Variants in IQCH observed in about 807,000 individuals in gnomAD.
IQCH encodes the protein IQ motif containing H.
In IQCH, 98 loss-of-function variants were observed where a neutral mutation model predicts 117.0. The ratio of observed to expected loss-of-function variants is 0.84; its 90% CI spans 0.71 to 0.99. The LOEUF (loss-of-function observed/expected upper bound fraction) is 0.99. Among genes scored for constraint, IQCH ranks in the 50% least tolerant of loss-of-function variants. The pLI, the probability that IQCH is intolerant of heterozygous loss-of-function variation, is 0.00. For missense variants in IQCH, 1,102 were observed against 1,243.8 expected (o/e 0.89, Z 1.72); for synonymous variants, 412 against 448.2 (o/e 0.92, Z 1.02).
rs1161731847 is a variant in IQCH at position 67,279,457 on chromosome 15, T to A, written c.332T>A (p.Phe111Tyr). The part of the protein sequence containing the change: ...FIFPQESEGT[F>Y]WQPQRQHSSS... Reference sequence around the variant, plus strand: ...TTCCCTCAGGAATCTGAGGGTACATTTTGGCAACCCCAAAGACAGCACAGT... The same window carrying A: ...TTCCCTCAGGAATCTGAGGGTACATATTGGCAACCCCAAAGACAGCACAGT... Residue 111 changes from phenylalanine to tyrosine, a missense_variant, in exon 4 of 21, where the codon TTT (phenylalanine) becomes TAT (tyrosine). By Grantham distance (22) the Phe-to-Tyr change is conservative. This residue lies in a region of IQCH where 452 missense variants were observed against 449.6 expected (regional missense o/e 1.01). Transcript: ENST00000335894. The A allele has an allele frequency of 1.9e-6, 3 of 1,611,738 alleles. No individual in the cohort carries two copies. The African/African-American group carries it at 4.0e-5, about 22-fold the overall frequency.
intron 17 of IQCH, among the ~76,000 whole-genome samples, chr15:67,470,380 A>G (rs139332667): frequency 6.6e-6 from 1 of 152,228 alleles, no homozygotes; most frequent in Non-Finnish European, 1.5e-5. Context: ...GGGTTTCACC[A>G]TGTTGACCAG....
rs770780847 is a variant in IQCH at position 67,254,936 on chromosome 15, A to C, written c.40A>C (p.Ile14Leu). Residue 14 changes from isoleucine to leucine, a missense_variant, in exon 1 of 21, where the codon ATC becomes CTC. Ile to Leu is a conservative substitution (Grantham distance 5). Transcript: ENST00000335894. ...TGAAAACCACGACCCTGTCGGATCC[A>C]TCTTAATCCAGGTGGGAAACGGGCT... Reference protein sequence around the residue: ...NTENHDPVGSILIQIHEDLYQ... With the variant: ...NTENHDPVGSLLIQIHEDLYQ... The C allele has an allele frequency of 1.5e-5, 25 of 1,613,540 alleles. No homozygotes were observed. The South Asian group carries it at 2.5e-4, about 16-fold the overall frequency.
rs576776467 is a variant in IQCH at position 67,357,478 on chromosome 15, G to A, written c.714+57G>A. On this transcript the variant is annotated intron_variant, in intron 7 of 20. Transcript: ENST00000335894. ...TATTCTTATTTACAGCACTTTCTGT[G>A]AGATATTTGGTGATTTACACGTTAT... 1.4e-5 allele frequency: 15 copies of A among 1,104,588 alleles called. No homozygotes were observed. The African/African-American group carries it at 1.7e-4, about 13-fold the overall frequency. 68.4% of individuals were successfully genotyped at this position (1,104,588 alleles called of 1,614,324 possible).
Position 67,279,452 on chromosome 15 carries a change from T to A in IQCH, c.327T>A (p.Gly109=). Residue 109 remains glycine, a synonymous_variant, in exon 4 of 21, where the codon GGT becomes GGA. Transcript: ENST00000335894. ...KSFIFPQESE[G]TFWQPQRQHS... is the part of the protein sequence containing the mutation. ...TTATTTTCCCTCAGGAATCTGAGGG[T>A]ACATTTTGGCAACCCCAAAGACAGC... is the stretch of plus-strand genomic sequence containing the variant. 1 of 1,611,652 alleles carries A rather than the reference T, an allele frequency of 6.2e-7. No homozygotes were observed. The highest frequency in any genetic ancestry group is 8.5e-7 in the Non-Finnish European group (1 of 1,178,520).
intron 2 of IQCH, among the ~76,000 whole-genome samples, chr15:67,262,163 G>T (rs557619552): frequency 6.6e-6 from 1 of 152,136 alleles, no homozygotes; most frequent in Non-Finnish European, 1.5e-5. Context: ...ATTCGTTTTT[G>T]TAACGTTATA....
At chr15:67,353,552 G>A (rs28380495) in intron 6 of IQCH, among the ~76,000 whole-genome samples, 88 of 152,006 alleles carry the variant, frequency 5.8e-4, no homozygotes, top group African/African-American at 1.9e-3. Flanking sequence ...TAGAGAGAGG[G>A]TTTCACCATG....
chr15:67,305,698 T>TCAA, intron 4 of IQCH, among the ~76,000 whole-genome samples: 1 of 152,086 alleles, frequency 6.6e-6, no homozygotes, highest in Admixed American at 6.6e-5. Context: ...CTGCTGTGTT[T>TCAA]CATGTGAACT....
At chr15:67,350,338 G>C (rs574384220) in intron 6 of IQCH, among the ~76,000 whole-genome samples, 6 of 152,314 alleles carry the variant, frequency 3.9e-5, no homozygotes, top group Non-Finnish European at 7.4e-5. Flanking sequence ...ACAGAAAACA[G>C]ATCAAGAGTT....
intron 3 of IQCH, among the ~76,000 whole-genome samples, chr15:67,263,478 A>G (rs963315362): frequency 1.3e-5 from 2 of 152,182 alleles, no homozygotes; most frequent in African/African-American, 4.8e-5. Context: ...GTACCCCTCA[A>G]GTTTATGCAG....
Position 67,489,759 on chromosome 15 carries a change from T to C in IQCH, c.2800-244T>C, listed in dbSNP as rs147407151. Among the ~76,000 whole-genome samples, 279 of 151,734 alleles carry C rather than the reference T, an allele frequency of 1.8e-3. 2 individuals are homozygous for C. Among genetic ancestry groups the C allele is most frequent in the East Asian group, 7.0e-3 (36 of 5,174 alleles). On this transcript the variant is annotated intron_variant, in intron 18 of 20. Transcript: ENST00000335894. ...GCATGATGCCCATGAAAATGCCTTT[T>C]TAACAAGCACACTAGATGATTCTGA...
chr15:67,371,642 G>T, intron 8 of IQCH: 1 of 693,098 alleles, frequency 1.4e-6, no homozygotes, highest in South Asian at 2.2e-5. Flanking sequence ...TATGAAGTCA[G>T]AAACAATTTT....
In IQCH at chr15:67,388,993, TAA is replaced by T; in HGVS notation, c.1621_1622del (p.Asn541HisfsTer4). 1 of 1,613,250 alleles carries T rather than the reference TAA, an allele frequency of 6.2e-7. No individual in the cohort carries two copies. The highest frequency in any genetic ancestry group is 8.5e-7 in the Non-Finnish European group (1 of 1,179,502). ...TTCAAAATTATCACACCTGAAGCTGTAAACATCTTCCCTGTGAGTTTGTGTTC... is the reference window on the plus strand; with the variant it reads ...TTCAAAATTATCACACCTGAAGCTGTACATCTTCCCTGTGAGTTTGTGTTC... On this transcript the variant is annotated frameshift_variant, in exon 12 of 21. Transcript: ENST00000335894. LOFTEE classifies it high-confidence loss of function. The surrounding 1 kb of genome is among the most constrained non-coding windows in gnomAD (Gnocchi z 5.5).
chr15:67,395,434 C>T lies in IQCH; in HGVS notation c.1776C>T (p.Asp592=). 6.2e-7 allele frequency: 1 copy of T among 1,614,104 alleles called. No individual in the cohort carries two copies. The highest frequency in any genetic ancestry group is 8.5e-7 in the Non-Finnish European group (1 of 1,179,986). The change falls in exon 13 of 21, where the codon GAC becomes GAT. Residue 592 remains aspartate, a synonymous_variant. Coordinates refer to ENST00000335894, the MANE Select transcript of IQCH (RefSeq NM_001031715.3). The surrounding 1 kb of genome is among the most constrained non-coding windows in gnomAD (Gnocchi z 4.0). The part of the protein sequence containing the change: ...RDDLAVADML[D]IPILGSEPEL... ...ATTTAGCTGTGGCCGATATGTTAGA[C>T]ATACCCATCCTGGGCTCTGAGCCTG...
At chr15:67,310,914 A>G (rs1400955528) in intron 4 of IQCH, among the ~76,000 whole-genome samples, 1 of 152,274 alleles carries the variant, frequency 6.6e-6, no homozygotes, top group South Asian at 2.1e-4. Flanking sequence ...GTGATAGAAC[A>G]TCCTAAAATG....
Position 67,454,020 on chromosome 15 carries a change from C to T in IQCH, c.2506-11107C>T, listed in dbSNP as rs1295838852. Among the ~76,000 whole-genome samples, 1 of 152,226 alleles carries T rather than the reference C, an allele frequency of 6.6e-6. No individual in the cohort carries two copies. The highest frequency in any genetic ancestry group is 1.9e-4 in the East Asian group (1 of 5,206). On this transcript the variant is annotated intron_variant, in intron 16 of 20. Coordinates refer to ENST00000335894, the MANE Select transcript of IQCH (RefSeq NM_001031715.3). The surrounding 1 kb of genome is among the most constrained non-coding windows in gnomAD (Gnocchi z 5.2). ...GAGCAAGACTCCTTGGGTGTAGGAC[C>T]CTCTGAGCCATGTGAGGGATATAAT...
chr15:67,373,810 TA>T, intron 10 of IQCH: 1 of 319,902 alleles, frequency 3.1e-6, no homozygotes, highest in Non-Finnish European at 5.8e-6. Flanking sequence ...TAAGCCAGGA[TA>T]TTGCTTGTAC....
intron 3 of IQCH, among the ~76,000 whole-genome samples, chr15:67,266,428 G>A (rs996156936): frequency 6.6e-6 from 1 of 151,966 alleles, no homozygotes; most frequent in East Asian, 1.9e-4. Flanking sequence ...AGGCCAAGGC[G>A]GGCGGATCAC....
rs574357351 is a variant in IQCH at position 67,456,968 on chromosome 15, G to A, written c.2506-8159G>A. 6.6e-6 allele frequency among the ~76,000 whole-genome samples: 1 copy of A among 152,242 alleles called. No individual in the cohort carries two copies. Among genetic ancestry groups the A allele is most frequent in the South Asian group, 2.1e-4 (1 of 4,818 alleles). Reference sequence around the variant, plus strand: ...TTCGTGGAGCTGTGATTTAAGTCATGCCCAAAAAGATGAGTAGGATTAACA... The same window carrying A: ...TTCGTGGAGCTGTGATTTAAGTCATACCCAAAAAGATGAGTAGGATTAACA... On this transcript the variant is annotated intron_variant, in intron 16 of 20. Transcript: ENST00000335894. The surrounding 1 kb of genome is among the most constrained non-coding windows in gnomAD (Gnocchi z 5.1).
intron 4 of IQCH, among the ~76,000 whole-genome samples, chr15:67,319,264 C>G (rs1298960336): frequency 2.0e-5 from 3 of 152,022 alleles, no homozygotes; most frequent in Admixed American, 2.0e-4. Flanking sequence ...TCCTTAACAT[C>G]ATAACCTCAT....
Sources: allele counts gnomAD v4.1 joint callset (sites outside exome capture counted in the v4.1 genomes callset), GRCh38; gene constraint gnomAD v4.1.1; regional missense constraint gnomAD v4.1.1; non-coding constraint Gnocchi (gnomAD v3.1); transcripts MANE v1.5; gene names NCBI Gene and HGNC (gene_info 2026-07-23, HGNC 2026-07-21).